The following GLIS3 variants were observed in gnomAD, a reference collection of about 807,000 sequenced individuals.
GLIS3 encodes GLIS family zinc finger 3.
Under a neutral mutation model 78.6 loss-of-function variants are expected in GLIS3, and 53 were observed. The observed-to-expected ratio is 0.67, with a 90% CI of 0.54 to 0.85. The LOEUF is 0.85. Ranked by LOEUF, GLIS3 falls within the 40% of genes least tolerant of loss-of-function variation. The pLI is 0.00. For missense variants in GLIS3, 1,703 were observed against 1,231.1 expected (o/e 1.38, Z -5.74); for synonymous variants, 684 against 509.9 (o/e 1.34, Z -4.60).
intron 6 of GLIS3, among the ~76,000 whole-genome samples, chr9:3,921,034 C>G (rs10974155): frequency 0.11 from 16,444 of 152,236 alleles, 1,212 homozygotes; most frequent in East Asian, 0.2. Context: ...TGCATCACAA[C>G]CCTACGGGAC....
the GLIS3 span, among the ~76,000 whole-genome samples, chr9:4,393,233 CATTTCTATTTCTGTTACT>C: frequency 3.3e-5 from 5 of 152,182 alleles, no homozygotes; most frequent in African/African-American, 1.2e-4. Context: ...TCTACATACA[CATTTCTATTTCTGTTACT>C]ATTTCTATTT....
intron 5 of GLIS3, among the ~76,000 whole-genome samples, chr9:3,936,622 A>C (rs1260079200): frequency 1.3e-5 from 2 of 151,858 alleles, no homozygotes; most frequent in South Asian, 2.1e-4. Context: ...GAAAAAAAAA[A>C]CAAAGAAAAA....
chr9:4,149,516 A>G (rs1270211183), intron 2 of GLIS3, among the ~76,000 whole-genome samples: 1 of 152,236 alleles, frequency 6.6e-6, no homozygotes, highest in Non-Finnish European at 1.5e-5. Flanking sequence ...ACTCACGCGG[A>G]GCCTCCAACC....
intron 5 of GLIS3, 126 bp downstream of exon 5, chr9:3,936,902 C>T: frequency 7.7e-7 from 1 of 1,302,634 alleles, no homozygotes; most frequent in Non-Finnish European, 1.1e-6. Context: ...GGCTCCACTG[C>T]TGCCCTTGGC....
Position 4,286,356 on chromosome 9 carries a change from T to C in GLIS3, c.70A>G (p.Ser24Gly). Residue 24 changes from serine to glycine, a missense_variant, in exon 2 of 11, where the codon AGT (serine) becomes GGT (glycine). Transcript: ENST00000381971. Reference sequence around the variant, plus strand: ...CGGATGGCAGGAATGTGATGACCACTGACCATCCTAGGCCCCTGTGGGGTT... The same window carrying C: ...CGGATGGCAGGAATGTGATGACCACCGACCATCCTAGGCCCCTGTGGGGTT... ...SGTPQGPRMV[S>G]GHHIPAIRAH... 1 of 1,614,208 alleles carries C rather than the reference T, an allele frequency of 6.2e-7. No individual in the cohort carries two copies. The highest frequency in any genetic ancestry group is 8.5e-7 in the Non-Finnish European group (1 of 1,180,024).
chr9:4,478,216 G>A, the GLIS3 span, among the ~76,000 whole-genome samples: 1 of 152,160 alleles, frequency 6.6e-6, no homozygotes, highest in Non-Finnish European at 1.5e-5. Context: ...GCCAAAGATG[G>A]GATGATTTGA....
At chr9:4,077,002 T>G (rs1828124055) in intron 4 of GLIS3, among the ~76,000 whole-genome samples, 1 of 152,190 alleles carries the variant, frequency 6.6e-6, no homozygotes, top group Non-Finnish European at 1.5e-5. Context: ...GAGGTTGCCG[T>G]GAGCTGAGCT....
At chr9:4,465,718 C>A in the GLIS3 span, among the ~76,000 whole-genome samples, 1 of 152,078 alleles carries the variant, frequency 6.6e-6, no homozygotes, top group Non-Finnish European at 1.5e-5. Context: ...AATATATACA[C>A]CTACTATGCA....
chr9:4,382,116 C>G, the GLIS3 span, among the ~76,000 whole-genome samples: 1 of 152,214 alleles, frequency 6.6e-6, no homozygotes, highest in Non-Finnish European at 1.5e-5. Context: ...CCTTGCTTAT[C>G]TGTTCCAATG....
chr9:4,081,544 C>CCTAA (rs1196263733), intron 4 of GLIS3, among the ~76,000 whole-genome samples: 3 of 152,156 alleles, frequency 2.0e-5, no homozygotes, highest in Non-Finnish European at 4.4e-5. Context: ...GATACTGGAA[C>CCTAA]CTAAGGTGGA....
At chr9:4,367,015 A>T in the GLIS3 span, among the ~76,000 whole-genome samples, 4 of 152,240 alleles carry the variant, frequency 2.6e-5, no homozygotes, top group African/African-American at 9.6e-5. Context: ...TGCTTCCTAA[A>T]GCAATCCTAT....
At chr9:4,412,567 T>C in the GLIS3 span, among the ~76,000 whole-genome samples, 3 of 152,208 alleles carry the variant, frequency 2.0e-5, no homozygotes, top group Non-Finnish European at 4.4e-5. Context: ...TTCACTGGTA[T>C]ATCCCCAGAA....
chr9:4,031,910 T>C (rs1439222591), intron 4 of GLIS3, among the ~76,000 whole-genome samples: 2 of 152,180 alleles, frequency 1.3e-5, no homozygotes, highest in Non-Finnish European at 2.9e-5. Context: ...TGCCAATATA[T>C]ACAGGGCAGG....
At chr9:4,162,793 C>T (rs1455432486) in intron 2 of GLIS3, among the ~76,000 whole-genome samples, 2 of 141,962 alleles carry the variant, frequency 1.4e-5, no homozygotes, top group African/African-American at 5.3e-5. Flanking sequence ...GGAGGCGGAG[C>T]TTGCAGTGAG....
chr9:3,900,164 C>A (rs1255425964), intron 6 of GLIS3, among the ~76,000 whole-genome samples: 1 of 147,684 alleles, frequency 6.8e-6, no homozygotes, highest in Non-Finnish European at 1.5e-5. Context: ...TTGGATAAAG[C>A]CTTGACTTGA....
chr9:4,022,639 T>A (rs1822984576), intron 4 of GLIS3, among the ~76,000 whole-genome samples: 1 of 152,192 alleles, frequency 6.6e-6, no homozygotes, highest in Non-Finnish European at 1.5e-5. Flanking sequence ...GTTCATGGAC[T>A]TCTTATTCAC....
upstream of GLIS3, among the ~76,000 whole-genome samples, chr9:4,301,646 A>T (rs1817077975): frequency 6.6e-6 from 1 of 152,230 alleles, no homozygotes; most frequent in Non-Finnish European, 1.5e-5. Context: ...TGGAGACTGC[A>T]AAAAACCTTT....
At chr9:4,242,129 T>C (rs1002611915) in intron 2 of GLIS3, among the ~76,000 whole-genome samples, 2 of 152,132 alleles carry the variant, frequency 1.3e-5, no homozygotes, top group African/African-American at 4.8e-5. Flanking sequence ...GTCTGAGCAA[T>C]AAGGGAAACC....
the GLIS3 span, among the ~76,000 whole-genome samples, chr9:4,427,157 C>T: frequency 4.6e-5 from 7 of 152,136 alleles, no homozygotes; most frequent in East Asian, 1.9e-4. Context: ...GGGTGAGAGG[C>T]GATGGAACAG....
Sources: gnomAD v4.1 joint callset for allele counts (sites outside exome capture counted in the v4.1 genomes callset) on GRCh38, gnomAD v4.1.1 for gene constraint, MANE v1.5 for transcripts, NCBI Gene and HGNC (gene_info 2026-07-23, HGNC 2026-07-21) for gene names.